The following NOTCH3 variants were observed in gnomAD, a reference collection of about 807,000 sequenced individuals.
NOTCH3 encodes the protein neurogenic locus notch homolog protein 3.
NOTCH3 carries 86 observed loss-of-function variants against 213.3 expected under a neutral mutation model. The ratio of observed to expected loss-of-function variants is 0.40; its 90% CI spans 0.34 to 0.48. The LOEUF is 0.48. Ranked by LOEUF, NOTCH3 falls within the 20% of genes least tolerant of loss-of-function variation. The probability of loss-of-function intolerance (pLI) is 0.57; values close to 1 mark genes in which losing one functional copy is unlikely to be tolerated. For missense variants in NOTCH3, 2,783 were observed against 3,272.6 expected (o/e 0.85, Z 3.65); for synonymous variants, 1,354 against 1,355.9 (o/e 1.00, Z 0.03).
At chr19:15,180,552 C>G (rs994922161) in intron 19 of NOTCH3, 129 bp downstream of exon 19, 4 of 1,128,058 alleles carry the variant, frequency 3.5e-6, no homozygotes, top group Middle Eastern at 2.3e-4. Flanking sequence ...CACACCCACA[C>G]CACTCAGCCA....
Position 15,192,046 on chromosome 19 carries a change from G to A in NOTCH3, c.593C>T (p.Ala198Val), listed in dbSNP as rs140914494. The A allele has an allele frequency of 6.8e-5, 110 of 1,613,070 alleles. No individual in the cohort carries two copies. Among genetic ancestry groups the A allele is most frequent in the East Asian group, 4.5e-4 (20 of 44,846 alleles). The change falls in exon 4 of 33, where the codon GCG (alanine) becomes GTG (valine). Residue 198 changes from alanine to valine, a missense_variant. Ala to Val is a moderately conservative substitution (Grantham distance 64). This residue lies in a region of NOTCH3 where 708 missense variants were observed against 906.6 expected (regional missense o/e 0.78). Coordinates refer to ENST00000263388, the MANE Select transcript of NOTCH3 (RefSeq NM_000435.3). ...GYTGPLCENP[A>V]VPCAPSPCRN... ...GCATGGTGAGGGTGCACAGGGCACC[G>A]CGGGGTTCTCACATAGTGGCCCTGT...
At position 15,177,850 on chromosome 19, in the gene NOTCH3, GGAA is replaced by G. The variant is rs1279412920; in HGVS notation, c.4075_4077del (p.Phe1359del). The G allele has an allele frequency of 1.6e-6, 2 of 1,220,082 alleles. No homozygotes were observed. The highest frequency in any genetic ancestry group is 2.0e-6 in the Non-Finnish European group (2 of 982,146). The allele number at this position is 1,220,082 out of a possible 1,614,324, so 75.6% of individuals were successfully genotyped here. A position where few individuals can be genotyped will look rare whatever the true frequency, so the allele number is the denominator to read the frequency against. The stretch of plus-strand genomic sequence containing the variant: ...GTCCAGCCCTGCGCGCAAGCGCAGC[GGAA>G]GAAGGGCGCGAGCGGCGCGGGGCGG... On this transcript the variant is annotated inframe_deletion, in exon 24 of 33. Coordinates refer to ENST00000263388, the MANE Select transcript of NOTCH3 (RefSeq NM_000435.3).
At chr19:15,181,232 C>G in intron 17 of NOTCH3, 70 bp from the exon 18 acceptor site, 2 of 1,415,934 alleles carry the variant, frequency 1.4e-6, no homozygotes, top group East Asian at 4.8e-5. Context: ...CTTCCTGAGT[C>G]CCGCTGTTAG....
chr19:15,187,304 G>T lies in NOTCH3; in HGVS notation c.1641C>A (p.Asp547Glu). The T allele has an allele frequency of 1.2e-6, 2 of 1,613,888 alleles. No homozygotes were observed. Among genetic ancestry groups the T allele is most frequent in the Non-Finnish European group, 1.7e-6 (2 of 1,179,978 alleles). ...GGTGGCATGGGTCAGGGGAGCAGTC[G>T]TCCACGTTGCGATCACACAGCGTGC... Reference protein sequence around the residue: ...FEGTLCDRNVDDCSPDPCHHG... With the variant: ...FEGTLCDRNVEDCSPDPCHHG... The change falls in exon 11 of 33, where the codon GAC becomes GAA. Residue 547 changes from aspartate (D) to glutamate (E), a missense_variant. Coordinates refer to ENST00000263388, the MANE Select transcript of NOTCH3 (RefSeq NM_000435.3).
At chr19:15,181,518 G>C (rs1211671186) in intron 17 of NOTCH3, 58 bp downstream of exon 17, 3 of 1,436,054 alleles carry the variant, frequency 2.1e-6, no homozygotes, top group Admixed American at 4.0e-5. Context: ...CTTCGTCCCA[G>C]GTCCCAGGCC....
At position 15,187,170 on chromosome 19, in the gene NOTCH3, C is replaced by A. The variant is rs763115768; in HGVS notation, c.1775G>T (p.Arg592Leu). The change falls in exon 11 of 33, where the codon CGC becomes CTC. Residue 592 changes from arginine (R) to leucine (L), a missense_variant. Arg to Leu is a moderately radical substitution (Grantham distance 102). Coordinates refer to ENST00000263388, the MANE Select transcript of NOTCH3 (RefSeq NM_000435.3). Reference sequence around the variant, plus strand: ...CAGGTCTAGGCATTTGCCGCCATGGCGGCAGGGCTGGCTGCGGCATTCGTC... The same window carrying A: ...CAGGTCTAGGCATTTGCCGCCATGGAGGCAGGGCTGGCTGCGGCATTCGTC... Reference protein sequence around the residue: ...QVDECRSQPCRHGGKCLDLVD... With the variant: ...QVDECRSQPCLHGGKCLDLVD... 4 of 1,614,126 alleles carry A rather than the reference C, an allele frequency of 2.5e-6. No individual in the cohort carries two copies. Among genetic ancestry groups the A allele is most frequent in the African/African-American group, 2.7e-5 (2 of 75,072 alleles).
chr19:15,175,533 T>TAAAAAA (rs34762214), intron 24 of NOTCH3, among the ~76,000 whole-genome samples: 7 of 44,204 alleles, frequency 1.6e-4, no homozygotes, highest in Admixed American at 3.8e-4. Flanking sequence ...AAATCCTGTC[T>TAAAAAA]AAAAAAAAAA....
chr19:15,181,641 G>A lies in NOTCH3; in HGVS notation c.2727C>T (p.Thr909=), dbSNP rs1318086026. ...GTCTDHVASF[T]CTCPPGYGGF... ...CTCCGTAGCCTGGCGGGCAGGTGCA[G>A]GTGAAGGAGGCCACGTGGTCGGTAC... Residue 909 remains threonine (T), a synonymous_variant, in exon 17 of 33, where the codon ACC becomes ACT. Transcript: ENST00000263388. The A allele has an allele frequency of 1.9e-6, 3 of 1,551,920 alleles. No homozygotes were observed. Among genetic ancestry groups the A allele is most frequent in the Admixed American group, 3.9e-5 (2 of 51,102 alleles).
chr19:15,162,792 TGC>T (rs869172822), intron 31 of NOTCH3, among the ~76,000 whole-genome samples: 1,183 of 32,414 alleles, frequency 0.036, 3 homozygotes, highest in Middle Eastern at 0.088. Context: ...TGTGTGTGTG[TGC>T]GTGCATGTGC....
chr19:15,162,468 G>T lies in NOTCH3; in HGVS notation c.5910C>A (p.Ser1970Arg). The T allele has an allele frequency of 1.9e-6, 3 of 1,612,378 alleles. No individual in the cohort carries two copies. The highest frequency in any genetic ancestry group is 1.7e-6 in the Non-Finnish European group (2 of 1,179,098). The change falls in exon 32 of 33, where the codon AGC (serine) becomes AGA (arginine). Residue 1970 changes from serine (S) to arginine (R), a missense_variant. Physicochemically the swap from Ser to Arg is moderately radical, Grantham distance 110. This residue lies in a region of NOTCH3 where 636 missense variants were observed against 801.8 expected (regional missense o/e 0.79). Coordinates refer to ENST00000263388, the MANE Select transcript of NOTCH3 (RefSeq NM_000435.3). ...TGGACCAAGGGCTGGGGCTCACCTT[G>T]CTATCCTGCATGTCCTTATTGGCTC... ...KNGANKDMQD[S>R]KEETPLFLAA...
intron 29 of NOTCH3, among the ~76,000 whole-genome samples, chr19:15,166,954 T>G (rs112518832): frequency 1.3e-5 from 2 of 152,150 alleles, no homozygotes; most frequent in Admixed American, 1.3e-4. Flanking sequence ...CTGAGACTTT[T>G]CTGGAGCATT....
chr19:15,187,909 G>T lies in NOTCH3; in HGVS notation c.1578C>A (p.Pro526=). Residue 526 remains proline (P), a synonymous_variant, in exon 10 of 33, where the codon CCC becomes CCA. Coordinates refer to ENST00000263388, the MANE Select transcript of NOTCH3 (RefSeq NM_000435.3). ...CGGCACAGCGGCACTCGTAGCCATC[G>T]GGCTGGTCCACGCATTTGGCGCCAT... ...CRNGAKCVDQ[P]DGYECRCAEG... 1 of 1,549,650 alleles carries T rather than the reference G, an allele frequency of 6.5e-7. No homozygotes were observed. The highest frequency in any genetic ancestry group is 8.7e-7 in the Non-Finnish European group (1 of 1,146,916).
intron 31 of NOTCH3, among the ~76,000 whole-genome samples, chr19:15,164,803 T>C (rs2046672435): frequency 6.6e-6 from 1 of 151,922 alleles, no homozygotes; most frequent in East Asian, 1.9e-4. Context: ...CTGTTTTTTT[T>C]TTTTGAGATG....
chr19:15,179,727 C>G, intron 20 of NOTCH3: 1 of 594,846 alleles, frequency 1.7e-6, no homozygotes, highest in South Asian at 2.0e-5. Flanking sequence ...ATGAAAAATA[C>G]AAAAATTAGC....
chr19:15,172,285 C>CT (rs2046740850), intron 25 of NOTCH3, among the ~76,000 whole-genome samples: 1 of 152,180 alleles, frequency 6.6e-6, no homozygotes. Context: ...CTCCCCACTC[C>CT]TTTGAGTCCC....
At chr19:15,196,438 C>A (rs943164840) in intron 2 of NOTCH3, among the ~76,000 whole-genome samples, 5 of 152,072 alleles carry the variant, frequency 3.3e-5, no homozygotes, top group Non-Finnish European at 7.4e-5. Flanking sequence ...GAGATCCAGC[C>A]AAAATAAATG....
Position 15,188,258 on chromosome 19 carries a change from C to G in NOTCH3, c.1469G>C (p.Gly490Ala), listed in dbSNP as rs374248747. 160 of 1,600,432 alleles carry G rather than the reference C, an allele frequency of 1.0e-4. 1 individual carries two copies. The highest frequency in any genetic ancestry group is 1.6e-4 in the Middle Eastern group (1 of 6,066). The change falls in exon 9 of 33, where the codon GGC (glycine) becomes GCC (alanine). Residue 490 changes from glycine to alanine, a missense_variant. Transcript: ENST00000263388. The part of the protein sequence containing the change: ...NGGVCKDRVN[G>A]FSCTCPSGFS... ...ACCCGAGGGGCAGGTGCAGCTGAAG[C>G]CATTGACTCGGTCCTTGCAGACCCC...
rs967649457 is a variant in NOTCH3 at position 15,161,373 on chromosome 19, C to A, written c.6255G>T (p.Thr2085=). The part of the protein sequence containing the change: ...QGPRGRGKKL[T]LACPGPLADS... ...CAGCCAGGGGGCCCGGGCAGGCCAG[C>A]GTCAGCTTCTTGCCCCGCCCCCGGG... is the stretch of plus-strand genomic sequence containing the variant. Residue 2085 remains threonine, a synonymous_variant, in exon 33 of 33, where the codon ACG becomes ACT. Transcript: ENST00000263388. The A allele has an allele frequency of 2.0e-6, 3 of 1,525,386 alleles. No homozygotes were observed. The highest frequency in any genetic ancestry group is 2.4e-5 in the East Asian group (1 of 41,008). The allele number at this position is 1,525,386 out of a possible 1,614,324, so 94.5% of individuals were successfully genotyped here. A position where few individuals can be genotyped will look rare whatever the true frequency, so the allele number is the denominator to read the frequency against.
chr19:15,170,819 T>C lies in NOTCH3; in HGVS notation c.4743A>G (p.Val1581=). 6.2e-7 allele frequency: 1 copy of C among 1,613,374 alleles called. No homozygotes were observed. The highest frequency in any genetic ancestry group is 8.5e-7 in the Non-Finnish European group (1 of 1,179,944). ...RELAPEVIGS[V]VMLEIDNRLC... ...GCCGGTTGTCAATCTCCAGCATTAC[T>C]ACCGAGCTGCAGGGACAGCAGGGAG... Residue 1581 remains valine, a synonymous_variant, in exon 26 of 33, where the codon GTA becomes GTG. Transcript: ENST00000263388.
Sources: gnomAD v4.1 joint callset for allele counts (sites outside exome capture counted in the v4.1 genomes callset) on GRCh38, gnomAD v4.1.1 for gene constraint, gnomAD v4.1.1 regional missense constraint, MANE v1.5 for transcripts, NCBI Gene and HGNC (gene_info 2026-07-23, HGNC 2026-07-21) for gene names.